Variants in IPO11 observed in about 807,000 individuals in gnomAD.
IPO11 encodes importin 11.
In IPO11, 66 loss-of-function variants were observed where a neutral mutation model predicts 143.2. That is an observed-to-expected ratio of 0.46 (90% CI 0.38 to 0.57). The LOEUF is 0.57. Ranked by LOEUF, IPO11 falls within the 20% of genes least tolerant of loss-of-function variation. IPO11 has a pLI of 0.00. For synonymous variants in IPO11, 385 were observed against 377.8 expected (o/e 1.02, Z -0.22); for missense variants, 1,026 against 1,141.0 (o/e 0.90, Z 1.45).
At chr5:62,508,813 T>A (rs921857579) in intron 19 of IPO11, among the ~76,000 whole-genome samples, 2 of 152,128 alleles carry the variant, frequency 1.3e-5, no homozygotes, top group African/African-American at 4.8e-5. Context: ...TGTCCATGTG[T>A]TCTCATTGTT....
intron 19 of IPO11, among the ~76,000 whole-genome samples, chr5:62,509,112 T>A (rs1741662276): frequency 6.6e-6 from 1 of 152,198 alleles, no homozygotes; most frequent in African/African-American, 2.4e-5. Context: ...TACTTTTTGA[T>A]AAAGTAGTTG....
At position 62,534,581 on chromosome 5, in the gene IPO11, C is replaced by G. The variant is rs530390259; in HGVS notation, c.2090-2121C>G. 3.9e-5 allele frequency among the ~76,000 whole-genome samples: 6 copies of G among 152,288 alleles called. 1 individual carries two copies. The South Asian group carries it at 1.2e-3, about 32-fold the overall frequency. ...ACTAAATACTTTGATAGGTTATATA[C>G]AGGTTTACCTTAGAGTTCTGTAGAA... On this transcript the variant is annotated intron_variant, in intron 22 of 29. Transcript: ENST00000325324.
chr5:62,519,237 A>AT (rs200974974), intron 20 of IPO11, among the ~76,000 whole-genome samples: 21 of 151,588 alleles, frequency 1.4e-4, no homozygotes, highest in African/African-American at 3.4e-4. Flanking sequence ...AGTACATTTT[A>AT]TTTTTTTTTA....
At position 62,483,422 on chromosome 5, in the gene IPO11, GAT is replaced by G. The variant is rs1247279049; in HGVS notation, c.1021+133_1021+134del. 5 of 623,488 alleles carry G rather than the reference GAT, an allele frequency of 8.0e-6. No homozygotes were observed. The African/African-American group carries it at 9.3e-5, about 12-fold the overall frequency. 38.6% of individuals were successfully genotyped at this position (623,488 alleles called of 1,614,324 possible). A position where few individuals can be genotyped will look rare whatever the true frequency, so the allele number is the denominator to read the frequency against. ...TAAATTGTTGCTGGGACATGAAAAAGATATAAGGATTATAGGCTTTAGTATGT... is the reference window on the plus strand; with the variant it reads ...TAAATTGTTGCTGGGACATGAAAAAGATAAGGATTATAGGCTTTAGTATGT... On this transcript the variant is annotated intron_variant, in intron 10 of 29. Transcript: ENST00000325324.
At position 62,536,723 on chromosome 5, in the gene IPO11, G is replaced by C. The variant is rs1189935692; in HGVS notation, c.2111G>C (p.Arg704Thr). ...PLLELSSENL[R>T]TCFKIINGYI... ...GCAGAACTAAGTTCAGAAAATCTTA[G>C]AACTTGCTTTAAGATCATCAATGGT... Residue 704 changes from arginine to threonine, a missense_variant, in exon 23 of 30, where the codon AGA (arginine) becomes ACA (threonine). Physicochemically the swap from Arg to Thr is moderately conservative, Grantham distance 71. This residue lies in a region of IPO11 where 351 missense variants were observed against 358.9 expected (regional missense o/e 0.98). Coordinates refer to ENST00000325324, the MANE Select transcript of IPO11 (RefSeq NM_016338.5). 1.3e-6 allele frequency: 2 copies of C among 1,578,436 alleles called. No homozygotes were observed. Among genetic ancestry groups the C allele is most frequent in the African/African-American group, 1.4e-5 (1 of 71,992 alleles).
In IPO11 at chr5:62,580,723, G is replaced by T. The variant is rs181871526; in HGVS notation, c.2583-10854G>T. ...TCCTCATATTCATCACAAGACTACT[G>T]CGCTAATGATGGCCTGGCATAAAGT... is the stretch of plus-strand genomic sequence containing the variant. On this transcript the variant is annotated intron_variant, in intron 27 of 29. Coordinates refer to ENST00000325324, the MANE Select transcript of IPO11 (RefSeq NM_016338.5). 1.7e-4 allele frequency: 260 copies of T among 1,551,358 alleles called. 1 individual carries two copies. The African/African-American group carries it at 3.2e-3, about 19-fold the overall frequency.
At chr5:62,608,966 CT>C (rs1745832865) in intron 29 of IPO11, among the ~76,000 whole-genome samples, 1 of 152,170 alleles carries the variant, frequency 6.6e-6, no homozygotes. Context: ...ATCGTTTTGT[CT>C]TTTCTGGAAT....
At chr5:62,615,681 G>C (rs927090396) in intron 29 of IPO11, among the ~76,000 whole-genome samples, 1 of 152,214 alleles carries the variant, frequency 6.6e-6, no homozygotes, top group Non-Finnish European at 1.5e-5. Context: ...ATAGATGGGA[G>C]CTCTGAGGAG....
At chr5:62,420,073 G>T (rs147190020) in intron 1 of IPO11, among the ~76,000 whole-genome samples, 1 of 151,844 alleles carries the variant, frequency 6.6e-6, no homozygotes, top group East Asian at 1.9e-4. Context: ...GGTGGATCAC[G>T]GGGTCAGGAG....
At chr5:62,527,885 CCA>C (rs1742418093) in intron 21 of IPO11, among the ~76,000 whole-genome samples, 1 of 152,028 alleles carries the variant, frequency 6.6e-6, no homozygotes, top group Admixed American at 6.6e-5. Context: ...GGTGCCAATC[CCA>C]GTTATGCTAC....
chr5:62,492,362 C>T (rs567744054), intron 15 of IPO11, among the ~76,000 whole-genome samples: 1 of 152,260 alleles, frequency 6.6e-6, no homozygotes, highest in African/African-American at 2.4e-5. Context: ...GACATTTTTC[C>T]ACCCTTTGGC....
At chr5:62,552,421 A>G (rs2112351258) in intron 26 of IPO11, among the ~76,000 whole-genome samples, 1 of 151,078 alleles carries the variant, frequency 6.6e-6, no homozygotes, top group African/African-American at 2.4e-5. Flanking sequence ...AATAGGGTAT[A>G]TTTTTATTAG....
intron 15 of IPO11, among the ~76,000 whole-genome samples, chr5:62,492,263 G>C (rs1197473419): frequency 2.0e-5 from 3 of 147,672 alleles, no homozygotes; most frequent in African/African-American, 7.5e-5. Flanking sequence ...TCCCAAAATT[G>C]ATGGTTCTTT....
chr5:62,549,954 T>C (rs1302873292), intron 24 of IPO11, among the ~76,000 whole-genome samples: 1 of 152,240 alleles, frequency 6.6e-6, no homozygotes, highest in African/African-American at 2.4e-5. Flanking sequence ...TTCTAGGCAG[T>C]GAGTATAGGT....
chr5:62,532,149 CT>C (rs1742568541), intron 22 of IPO11, among the ~76,000 whole-genome samples: 2 of 152,184 alleles, frequency 1.3e-5, no homozygotes, highest in Non-Finnish European at 2.9e-5. Flanking sequence ...TCATTTCACC[CT>C]GTTTTCCACC....
At chr5:62,580,735 G>A in intron 27 of IPO11, 2 of 1,551,384 alleles carry the variant, frequency 1.3e-6, no homozygotes, top group Non-Finnish European at 1.7e-6. Context: ...GCTAATGATG[G>A]CCTGGCATAA....
Position 62,581,381 on chromosome 5 carries a change from A to G in IPO11, c.2583-10196A>G, listed in dbSNP as rs556062159. 1.7e-5 allele frequency: 19 copies of G among 1,109,282 alleles called. No individual in the cohort carries two copies. In the Admixed American group the frequency reaches 4.5e-4, roughly 26 times the overall value. 68.7% of individuals were successfully genotyped at this position (1,109,282 alleles called of 1,614,324 possible). ...TAAACTGAAACCTCCTTATATAATTATATACTTTAGTTGGAAATATAATGA... is the reference window on the plus strand; with the variant it reads ...TAAACTGAAACCTCCTTATATAATTGTATACTTTAGTTGGAAATATAATGA... On this transcript the variant is annotated intron_variant, in intron 27 of 29. Transcript: ENST00000325324.
intron 16 of IPO11, among the ~76,000 whole-genome samples, chr5:62,496,576 T>G (rs1321332663): frequency 4.6e-5 from 7 of 152,232 alleles, no homozygotes; most frequent in Admixed American, 3.9e-4. Context: ...ATCAAGAATG[T>G]ATAAGTCATA....
chr5:62,476,950 C>CAA (rs1745981046), intron 9 of IPO11, among the ~76,000 whole-genome samples, 197 bp downstream of exon 9: 1 of 152,096 alleles, frequency 6.6e-6, no homozygotes, highest in African/African-American at 2.4e-5. Flanking sequence ...TACCATGTGT[C>CAA]ATAGTGTAAG....
Sources: allele counts gnomAD v4.1 joint callset (sites outside exome capture counted in the v4.1 genomes callset), GRCh38; gene constraint gnomAD v4.1.1; regional missense constraint gnomAD v4.1.1; transcripts MANE v1.5; gene names NCBI Gene and HGNC (gene_info 2026-07-23, HGNC 2026-07-21).